PHEX: variants seen among roughly 807,000 people sequenced by gnomAD.
PHEX encodes the protein phosphate regulating endopeptidase X-linked, also known as phosphate-regulating neutral endopeptidase PHEX.
Under a neutral mutation model 68.0 loss-of-function variants are expected in PHEX, and 16 were observed. The observed-to-expected ratio is 0.24, with a 90% confidence interval of 0.16 to 0.36. The LOEUF (loss-of-function observed/expected upper bound fraction) is 0.36. PHEX is among the 10% of genes least tolerant of loss of function. The probability of loss-of-function intolerance (pLI) is 1.00; values close to 1 mark genes in which losing one functional copy is unlikely to be tolerated. For missense variants in PHEX, 480 were observed against 575.5 expected (o/e 0.83, Z 1.70); for synonymous variants, 208 against 205.1 (o/e 1.01, Z -0.12).
At chrX:22,244,732 G>T (rs1036499667) in intron 20 of PHEX, among the ~76,000 whole-genome samples, 3 of 112,011 alleles carry the variant, frequency 2.7e-5, no homozygotes, top group African/African-American at 9.7e-5. Context: ...ATCTTAAATT[G>T]TTCTTAAGGC....
At chrX:22,047,578 G>A (rs1408164759) in intron 3 of PHEX, among the ~76,000 whole-genome samples, 1 of 111,846 alleles carries the variant, frequency 8.9e-6, no homozygotes, top group East Asian at 2.8e-4. Flanking sequence ...GGATTTTCAT[G>A]GCTTACAAAA....
chrX:22,096,101 G>A (rs1294037177), intron 7 of PHEX, among the ~76,000 whole-genome samples: 2 of 111,555 alleles, frequency 1.8e-5, no homozygotes, highest in Non-Finnish European at 3.8e-5. Flanking sequence ...TGCAAGAGTC[G>A]GAGAGTCATG....
At chrX:22,113,595 T>G (rs1931088899) in intron 10 of PHEX, among the ~76,000 whole-genome samples, 2 of 111,931 alleles carry the variant, frequency 1.8e-5, no homozygotes, top group Admixed American at 1.9e-4. Flanking sequence ...TGTATTTTGC[T>G]TGTTTATCAG....
At chrX:22,201,177 T>A (rs1452347610) in intron 15 of PHEX, among the ~76,000 whole-genome samples, 1 of 110,836 alleles carries the variant, frequency 9.0e-6, no homozygotes, top group African/African-American at 3.3e-5. Flanking sequence ...CTGCTACAAC[T>A]TTTTTGTTTT....
At chrX:22,133,077 G>A (rs1932082631) in intron 11 of PHEX, among the ~76,000 whole-genome samples, 1 of 111,149 alleles carries the variant, frequency 9.0e-6, no homozygotes, top group Non-Finnish European at 1.9e-5. Flanking sequence ...GTAGAGATGG[G>A]GTTTTGCCAT....
chrX:22,238,813 T>C lies in PHEX; in HGVS notation c.2071-6520T>C, dbSNP rs1001886496. On this transcript the variant is annotated intron_variant, in intron 20 of 21. Coordinates refer to ENST00000379374, the MANE Select transcript of PHEX (RefSeq NM_000444.6). ...GAGCATCTAGGGGAAGGGGCAGCTG[T>C]GGGCACAGCTTCAGCAGACTTAAAC... is the stretch of plus-strand genomic sequence containing the variant. Among the ~76,000 whole-genome samples, 5 of 111,687 alleles carry C rather than the reference T, an allele frequency of 4.5e-5. No individual in the cohort carries two copies. In the Admixed American group the frequency reaches 4.7e-4, roughly 11 times the overall value.
intron 15 of PHEX, among the ~76,000 whole-genome samples, chrX:22,195,742 C>T (rs1934347453): frequency 8.9e-6 from 1 of 111,907 alleles, no homozygotes; most frequent in Non-Finnish European, 1.9e-5. Flanking sequence ...GCAAATACAT[C>T]TATATGATAG....
At chrX:22,093,960 A>G in intron 6 of PHEX, 23 bp from the exon 7 acceptor site, 4 of 971,610 alleles carry the variant, frequency 4.1e-6, no homozygotes, top group Non-Finnish European at 5.9e-6. Context: ...TGTCATGGTC[A>G]CTTTGTTCTT....
At chrX:22,036,050 A>T (rs1418899009) in intron 1 of PHEX, among the ~76,000 whole-genome samples, 3 of 57,488 alleles carry the variant, frequency 5.2e-5, no homozygotes, top group African/African-American at 2.3e-4. Context: ...ATATATATAT[A>T]TATATTTTTT....
chrX:22,039,758 A>C (rs1026871050), intron 2 of PHEX, among the ~76,000 whole-genome samples: 6 of 111,703 alleles, frequency 5.4e-5, no homozygotes, highest in African/African-American at 2.0e-4. Context: ...TCTGGACCTA[A>C]GCCTGCTGGG....
chrX:22,220,102 C>T (rs967434878), intron 17 of PHEX, among the ~76,000 whole-genome samples: 2 of 111,761 alleles, frequency 1.8e-5, no homozygotes, highest in African/African-American at 6.5e-5. Context: ...GGAGTATTAT[C>T]GGAAGGCCAC....
At chrX:22,129,761 TCAA>T (rs766907067) in intron 11 of PHEX, among the ~76,000 whole-genome samples, 2 of 111,695 alleles carry the variant, frequency 1.8e-5, no homozygotes, top group East Asian at 2.8e-4. Flanking sequence ...TCTCAGCTTT[TCAA>T]CAACAACAAA....
chrX:22,129,157 G>C (rs1351879745), intron 11 of PHEX, among the ~76,000 whole-genome samples: 1 of 111,331 alleles, frequency 9.0e-6, no homozygotes, highest in Non-Finnish European at 1.9e-5. Context: ...CGTATATACA[G>C]GGTGGAGATG....
At chrX:22,136,414 T>G (rs370671113) in intron 12 of PHEX, among the ~76,000 whole-genome samples, 4 of 112,094 alleles carry the variant, frequency 3.6e-5, no homozygotes, top group African/African-American at 1.3e-4. Flanking sequence ...GACTTGGCAC[T>G]GTTCTTTGGG....
chrX:22,113,671 C>G (rs1931092345), intron 10 of PHEX, among the ~76,000 whole-genome samples: 1 of 111,268 alleles, frequency 9.0e-6, no homozygotes, highest in Non-Finnish European at 1.9e-5. Context: ...CCATGTTCTT[C>G]TGGTCTGCCT....
intron 20 of PHEX, among the ~76,000 whole-genome samples, chrX:22,234,613 C>T (rs1935896141): frequency 9.3e-6 from 1 of 107,022 alleles, no homozygotes. Flanking sequence ...AACGCCCCTT[C>T]CCCCCCCAAG....
intron 11 of PHEX, among the ~76,000 whole-genome samples, chrX:22,122,984 A>ATT (rs34894623): frequency 0.026 from 1,904 of 72,204 alleles, 119 homozygotes; most frequent in African/African-American, 0.12. Context: ...TAGGGTCTGC[A>ATT]TTTTTTTTTT....
At chrX:22,051,866 C>T (rs1457715824) in intron 3 of PHEX, among the ~76,000 whole-genome samples, 2 of 111,574 alleles carry the variant, frequency 1.8e-5, no homozygotes, top group Non-Finnish European at 3.8e-5. Context: ...TTTCTGAACT[C>T]TGCAAGTATG....
chrX:22,194,982 T>A (rs1446474043), intron 15 of PHEX, among the ~76,000 whole-genome samples: 1 of 112,412 alleles, frequency 8.9e-6, no homozygotes, highest in Non-Finnish European at 1.9e-5. Flanking sequence ...TTGTGATAAC[T>A]GCGACACTGA....
Sources: gnomAD v4.1 joint callset for allele counts (sites outside exome capture counted in the v4.1 genomes callset) on GRCh38, gnomAD v4.1.1 for gene constraint, MANE v1.5 for transcripts, NCBI Gene and HGNC (gene_info 2026-07-23, HGNC 2026-07-21) for gene names.